Variants in GPC5 observed in about 807,000 individuals in gnomAD.
GPC5 encodes glypican-5.
In GPC5, 47 loss-of-function variants were observed where a neutral mutation model predicts 53.9. The observed-to-expected ratio is 0.87, with a 90% CI of 0.69 to 1.11. The LOEUF (loss-of-function observed/expected upper bound fraction) is 1.11, where lower values mean the gene tolerates loss of function less well. GPC5 is among the 50% of genes most tolerant of loss of function. The pLI, the probability that GPC5 is intolerant of heterozygous loss-of-function variation, is 0.00. For missense variants in GPC5, 748 were observed against 713.1 expected (o/e 1.05, Z -0.56); for synonymous variants, 286 against 263.3 (o/e 1.09, Z -0.84).
chr13:91,887,460 C>T (rs997262691), intron 5 of GPC5, among the ~76,000 whole-genome samples: 2 of 152,192 alleles, frequency 1.3e-5, no homozygotes, highest in African/African-American at 2.4e-5. Context: ...ACATTTGGAT[C>T]CTTGGATCCT....
chr13:92,762,459 A>G (rs1875223041), intron 7 of GPC5, among the ~76,000 whole-genome samples: 1 of 152,166 alleles, frequency 6.6e-6, no homozygotes, highest in African/African-American at 2.4e-5. Context: ...TGTCTAACAA[A>G]GATTTTCTTA....
chr13:92,208,119 T>C lies in GPC5; in HGVS notation c.1561+63130T>C, dbSNP rs2042350452. 2.0e-5 allele frequency among the ~76,000 whole-genome samples: 3 copies of C among 152,334 alleles called. No homozygotes were observed. The East Asian group carries it at 5.8e-4, about 29-fold the overall frequency. ...TCTGCATTCCTGCAGCCCCTGAGTG[T>C]TCACTCATTTCATGGACCCAGGTGG... On this transcript the variant is annotated intron_variant, in intron 7 of 7. Transcript: ENST00000377067.
chr13:92,060,054 TG>T (rs771953552), intron 6 of GPC5: 9 of 152,056 alleles, frequency 5.9e-5, no homozygotes, highest in Non-Finnish European at 1.0e-4. Flanking sequence ...ATATTTATGT[TG>T]GATTTCATTA....
intron 7 of GPC5, among the ~76,000 whole-genome samples, chr13:92,320,964 G>C (rs1055547005): frequency 6.6e-6 from 1 of 151,994 alleles, no homozygotes; most frequent in Admixed American, 6.6e-5. Flanking sequence ...TATTAAATTT[G>C]AAATTTAATA....
intron 1 of GPC5, among the ~76,000 whole-genome samples, chr13:91,435,747 G>A (rs1334843545): frequency 1.3e-5 from 2 of 152,274 alleles, no homozygotes; most frequent in African/African-American, 4.8e-5. Context: ...GATTGAAATA[G>A]TTTCAGAAGG....
At chr13:92,304,622 G>A (rs1014537162) in intron 7 of GPC5, among the ~76,000 whole-genome samples, 4 of 152,096 alleles carry the variant, frequency 2.6e-5, no homozygotes, top group African/African-American at 9.7e-5. Flanking sequence ...GAGCCCCTAT[G>A]AATACATTAT....
intron 5 of GPC5, among the ~76,000 whole-genome samples, chr13:91,847,355 TTGTGTG>T (rs150598612): frequency 2.0e-5 from 3 of 150,122 alleles, no homozygotes; most frequent in African/African-American, 7.3e-5. Context: ...TTTATTATAA[TTGTGTG>T]TGTGTGTGTG....
intron 2 of GPC5, among the ~76,000 whole-genome samples, chr13:91,606,823 G>T (rs1427125488): frequency 6.6e-5 from 10 of 152,026 alleles, no homozygotes; most frequent in Admixed American, 6.6e-4. Flanking sequence ...ATTTTTTATT[G>T]CAACTATTTG....
intron 7 of GPC5, among the ~76,000 whole-genome samples, chr13:92,550,608 G>C (rs1038218797): frequency 1.3e-5 from 2 of 151,658 alleles, no homozygotes; most frequent in Non-Finnish European, 3.0e-5. Context: ...CCTGAAAAAG[G>C]GGTATTAAAA....
At chr13:92,282,019 T>G (rs2042919285) in intron 7 of GPC5, among the ~76,000 whole-genome samples, 1 of 152,188 alleles carries the variant, frequency 6.6e-6, no homozygotes, top group South Asian at 2.1e-4. Flanking sequence ...GACAAATGGC[T>G]AACCAGAATA....
chr13:91,453,397 AC>A (rs2139113831), intron 2 of GPC5, among the ~76,000 whole-genome samples: 1 of 152,160 alleles, frequency 6.6e-6, no homozygotes, highest in East Asian at 1.9e-4. Context: ...AGCAAAAGAC[AC>A]AGGATATAGT....
chr13:92,797,765 G>A (rs1018102199), intron 7 of GPC5, among the ~76,000 whole-genome samples: 2 of 151,428 alleles, frequency 1.3e-5, no homozygotes, highest in Non-Finnish European at 2.9e-5. Flanking sequence ...TATAAGAGAT[G>A]ATAGATAGAT....
intron 7 of GPC5, among the ~76,000 whole-genome samples, chr13:92,695,222 T>C (rs1421579450): frequency 6.6e-6 from 1 of 152,198 alleles, no homozygotes; most frequent in African/African-American, 2.4e-5. Context: ...TTGTATGTCT[T>C]CTTTTGATAA....
chr13:91,712,244 AG>A (rs1332615129), intron 3 of GPC5, among the ~76,000 whole-genome samples: 1 of 152,012 alleles, frequency 6.6e-6, no homozygotes, highest in Non-Finnish European at 1.5e-5. Context: ...AGGACCATTA[AG>A]ATGGATTCTC....
At chr13:92,790,251 C>T (rs565275101) in intron 7 of GPC5, among the ~76,000 whole-genome samples, 3 of 152,196 alleles carry the variant, frequency 2.0e-5, no homozygotes, top group East Asian at 1.9e-4. Flanking sequence ...CAAGTTGACA[C>T]TCAGTATTAA....
At chr13:91,634,412 A>G (rs896459208) in intron 2 of GPC5, among the ~76,000 whole-genome samples, 1 of 152,080 alleles carries the variant, frequency 6.6e-6, no homozygotes, top group Non-Finnish European at 1.5e-5. Context: ...TAGGTCACAC[A>G]GTCGATTTGT....
chr13:92,693,591 G>A (rs1412834511), intron 7 of GPC5, among the ~76,000 whole-genome samples: 1 of 152,128 alleles, frequency 6.6e-6, no homozygotes, highest in East Asian at 1.9e-4. Context: ...GGCATCTGGT[G>A]GAAGAAATTT....
chr13:91,678,484 G>T (rs1009249868), intron 2 of GPC5, among the ~76,000 whole-genome samples: 2 of 152,122 alleles, frequency 1.3e-5, no homozygotes, highest in African/African-American at 4.8e-5. Context: ...ACTGTAGGCA[G>T]ATATCCCAAG....
chr13:92,070,697 A>C (rs1205529949), intron 6 of GPC5, among the ~76,000 whole-genome samples: 1 of 152,224 alleles, frequency 6.6e-6, no homozygotes, highest in African/African-American at 2.4e-5. Flanking sequence ...ACATGAATGC[A>C]TCTCGGACCA....
Sources: allele counts gnomAD v4.1 joint callset (sites outside exome capture counted in the v4.1 genomes callset), GRCh38; gene constraint gnomAD v4.1.1; transcripts MANE v1.5; gene names NCBI Gene and HGNC (gene_info 2026-07-23, HGNC 2026-07-21).